Variants in NAA11 observed in about 807,000 individuals in gnomAD.
NAA11 encodes the protein N-alpha-acetyltransferase 11.
Under a neutral mutation model 16.1 loss-of-function variants are expected in NAA11, and 15 were observed. That is an observed-to-expected ratio of 0.93 (90% CI 0.62 to 1.44). The LOEUF is 1.44. NAA11 is among the 40% of genes most tolerant of loss of function. NAA11 has a pLI of 0.00. For missense variants in NAA11, 298 were observed against 291.3 expected (o/e 1.02, Z -0.17); for synonymous variants, 122 against 112.4 (o/e 1.09, Z -0.54).
intron 2 of NAA11, among the ~76,000 whole-genome samples, chr4:79,285,187 C>G (rs899565349): frequency 6.6e-6 from 1 of 152,040 alleles, no homozygotes; most frequent in Non-Finnish European, 1.5e-5. Context: ...TTATCAGATG[C>G]CATAAATTGG....
chr4:79,159,992 CTT>C, the NAA11 span, among the ~76,000 whole-genome samples: 20 of 133,028 alleles, frequency 1.5e-4, no homozygotes, highest in Admixed American at 2.3e-4. Flanking sequence ...TTTCTACTTT[CTT>C]TTTTTTTTTT....
rs917462124 is a variant in NAA11 at position 79,325,545 on chromosome 4, G to C, written c.333C>G (p.Val111=). 3 of 1,614,026 alleles carry C rather than the reference G, an allele frequency of 1.9e-6. No homozygotes were observed. In the African/African-American group the frequency reaches 4.0e-5, roughly 22 times the overall value. The change falls in exon 1 of 2, where the codon GTC becomes GTG. Residue 111 remains valine (V), a synonymous_variant. Coordinates refer to ENST00000286794, the MANE Select transcript of NAA11 (RefSeq NM_032693.3). ...NFNAKYVSLH[V]RKSNRPALHL... is the part of the protein sequence containing the mutation. ...GCAAGGCTGGCCGGTTACTCTTCCTGACGTGCAGAGACACGTATTTGGCGT... is the reference window on the plus strand; with the variant it reads ...GCAAGGCTGGCCGGTTACTCTTCCTCACGTGCAGAGACACGTATTTGGCGT...
chr4:79,191,157 G>A, the NAA11 span, among the ~76,000 whole-genome samples: 1 of 152,146 alleles, frequency 6.6e-6, no homozygotes, highest in African/African-American at 2.4e-5. Context: ...CTTGATGGCA[G>A]AATGATTTAT....
chr4:79,266,062 A>G (rs141007047), intron 2 of NAA11, among the ~76,000 whole-genome samples: 2 of 152,202 alleles, frequency 1.3e-5, no homozygotes, highest in Non-Finnish European at 2.9e-5. Flanking sequence ...GTGGCTGTCT[A>G]TGCCACTGTA....
At chr4:79,302,824 T>C (rs982925497) in intron 1 of NAA11, among the ~76,000 whole-genome samples, 6 of 151,696 alleles carry the variant, frequency 4.0e-5, no homozygotes, top group African/African-American at 1.5e-4. Flanking sequence ...AGAAGAACAC[T>C]GGAGGAGGAA....
intron 1 of NAA11, among the ~76,000 whole-genome samples, chr4:79,297,953 C>T (rs897442304): frequency 6.6e-5 from 10 of 152,178 alleles, no homozygotes; most frequent in Non-Finnish European, 1.5e-4. Context: ...AATGGCTGCC[C>T]ATGGACCAAT....
intron 2 of NAA11, among the ~76,000 whole-genome samples, chr4:79,239,191 G>A (rs944467505): frequency 6.6e-6 from 1 of 152,318 alleles, no homozygotes; most frequent in Non-Finnish European, 1.5e-5. Context: ...GCTGGATTCA[G>A]TATGAAGTGT....
Position 79,291,506 on chromosome 4 carries a change from C to T in NAA11, c.*122+2499G>A, listed in dbSNP as rs904804320. On this transcript the variant is annotated intron_variant and NMD_transcript_variant, in intron 2 of 2. Coordinates refer to the NAA11 transcript ENST00000511542. ...GAATTGGGCCGGGCCTGGTGGCTCACCTGAGGTTAGGTGTTCGAGACCAGC... is the reference window on the plus strand; with the variant it reads ...GAATTGGGCCGGGCCTGGTGGCTCATCTGAGGTTAGGTGTTCGAGACCAGC... Among the ~76,000 whole-genome samples, 6 of 152,070 alleles carry T rather than the reference C, an allele frequency of 3.9e-5. 1 individual carries two copies. The South Asian group carries it at 1.0e-3, about 26-fold the overall frequency.
chr4:79,299,385 A>ATC (rs1451178209), intron 1 of NAA11: 1 of 152,184 alleles, frequency 6.6e-6, no homozygotes, highest in Non-Finnish European at 1.5e-5. Flanking sequence ...ACAAGATGAA[A>ATC]GACTTTGGAA....
chr4:79,226,220 G>T (rs1324515023), exon 3 of NAA11: 1 of 151,932 alleles, frequency 6.6e-6, no homozygotes, highest in Non-Finnish European at 1.5e-5. Context: ...CCATCCTGTT[G>T]TTCCCCCATT....
chr4:79,218,856 T>A, the NAA11 span, among the ~76,000 whole-genome samples: 3 of 152,134 alleles, frequency 2.0e-5, no homozygotes, highest in African/African-American at 7.2e-5. Flanking sequence ...ATATGCTGAA[T>A]TCAATTCATA....
chr4:79,264,147 C>T lies in NAA11; in HGVS notation c.*122+29858G>A, dbSNP rs1722295578. On this transcript the variant is annotated intron_variant and NMD_transcript_variant, in intron 2 of 2. Coordinates refer to the NAA11 transcript ENST00000511542. ...ATCAGCACTAAAGTACAACCATGAA[C>T]CATTGTTGGTCATGGACTAGTAAAC... Among the ~76,000 whole-genome samples the T allele has an allele frequency of 2.6e-5, 4 of 152,142 alleles. 1 individual carries two copies. In the South Asian group the frequency reaches 8.3e-4, roughly 32 times the overall value.
chr4:79,274,371 A>G (rs917131913), intron 2 of NAA11, among the ~76,000 whole-genome samples: 2 of 152,076 alleles, frequency 1.3e-5, no homozygotes, highest in African/African-American at 4.8e-5. Context: ...ATGAAGCAAG[A>G]AGGAAAACTT....
chr4:79,159,547 G>T, the NAA11 span, among the ~76,000 whole-genome samples: 3 of 152,096 alleles, frequency 2.0e-5, no homozygotes, highest in South Asian at 2.1e-4. Flanking sequence ...TCACAAACTT[G>T]TACAATTACC....
At chr4:79,166,017 G>T in the NAA11 span, among the ~76,000 whole-genome samples, 1 of 152,088 alleles carries the variant, frequency 6.6e-6, no homozygotes, top group Admixed American at 6.5e-5. Context: ...TCTATTAATT[G>T]AGGAAAGCTG....
At chr4:79,180,792 G>A in the NAA11 span, among the ~76,000 whole-genome samples, 1 of 152,102 alleles carries the variant, frequency 6.6e-6, no homozygotes, top group African/African-American at 2.4e-5. Context: ...TATGTTTACT[G>A]CGGCACTATT....
In NAA11 at chr4:79,318,793, A is replaced by G. The variant is rs114908375; in HGVS notation, c.*13-1002T>C. Among the ~76,000 whole-genome samples the G allele has an allele frequency of 4.5e-3, 682 of 152,380 alleles. 4 individuals carry two copies. The highest frequency in any genetic ancestry group is 0.016 in the African/African-American group (657 of 41,592). The stretch of plus-strand genomic sequence containing the variant: ...ATAGCTGTTTTAGTTATCTCAGTAA[A>G]TACTGCTTGAAAATTTTAAGAAATT... On this transcript the variant is annotated intron_variant, in intron 1 of 1. Transcript: ENST00000286794.
intron 2 of NAA11, among the ~76,000 whole-genome samples, chr4:79,274,332 A>G (rs1722569980): frequency 6.6e-6 from 1 of 152,110 alleles, no homozygotes; most frequent in African/African-American, 2.4e-5. Context: ...GAGGTGAAGT[A>G]CAGGGGGGAA....
chr4:79,162,890 A>T, the NAA11 span, among the ~76,000 whole-genome samples: 1 of 152,238 alleles, frequency 6.6e-6, no homozygotes, highest in Non-Finnish European at 1.5e-5. Context: ...GATAAATAGA[A>T]GTAAATAGGA....
Sources: gnomAD v4.1 joint callset for allele counts (sites outside exome capture counted in the v4.1 genomes callset) on GRCh38, gnomAD v4.1.1 for gene constraint, MANE v1.5 for transcripts, NCBI Gene and HGNC (gene_info 2026-07-23, HGNC 2026-07-21) for gene names.